MED16: variants seen among roughly 807,000 people sequenced by gnomAD.
The protein encoded by MED16 is mediator of RNA polymerase II transcription subunit 16.
In MED16, 81 loss-of-function variants were observed where a neutral mutation model predicts 84.4. The ratio of observed to expected loss-of-function variants is 0.96; its 90% CI spans 0.80 to 1.15. The LOEUF (loss-of-function observed/expected upper bound fraction) is 1.15. Ranked by LOEUF, MED16 falls within the 50% of genes most tolerant of loss-of-function variation. The probability of loss-of-function intolerance (pLI) is 0.00; values close to 1 mark genes in which losing one functional copy is unlikely to be tolerated. For synonymous variants in MED16, 897 were observed against 552.2 expected (o/e 1.62, Z -8.76); for missense variants, 1,585 against 1,245.9 (o/e 1.27, Z -4.10).
intron 4 of MED16, among the ~76,000 whole-genome samples, chr19:889,369 G>T (rs978529893): frequency 6.6e-6 from 1 of 152,072 alleles, no homozygotes; most frequent in African/African-American, 2.4e-5. Flanking sequence ...CACTAAGAAC[G>T]GCCACCCTCA....
chr19:886,303 A>T (rs1206901899), intron 4 of MED16, 102 bp from the exon 5 acceptor site: 2 of 1,055,174 alleles, frequency 1.9e-6, no homozygotes, highest in Non-Finnish European at 2.6e-6. Flanking sequence ...AGAAGCCAGG[A>T]GTGTGTGCAC....
chr19:868,280 C>T (rs747303130), intron 15 of MED16, 29 bp from the exon 16 acceptor site: 15 of 1,588,726 alleles, frequency 9.4e-6, no homozygotes, highest in Non-Finnish European at 9.4e-6. Flanking sequence ...TTAACCGCGC[C>T]GAGGAGAGTC....
chr19:868,919 G>C lies in MED16; in HGVS notation c.2343C>G (p.His781Gln), dbSNP rs755844250. The change falls in exon 14 of 16, where the codon CAC (histidine) becomes CAG (glutamine). Residue 781 changes from histidine to glutamine, a missense_variant. Coordinates refer to ENST00000325464, the MANE Select transcript of MED16 (RefSeq NM_005481.3). ...AAGCGCCAAGGTGCAGCCTCCGCAG[G>C]TGGTCGATCTTGGGCTGGCCTGGGG... Reference protein sequence around the residue: ...ARAPGQPKIDHLRRLHLGACP... With the variant: ...ARAPGQPKIDQLRRLHLGACP... The C allele has an allele frequency of 6.4e-7, 1 of 1,550,512 alleles. No homozygotes were observed.
intron 5 of MED16, among the ~76,000 whole-genome samples, chr19:885,277 G>A (rs2036502490): frequency 6.6e-6 from 1 of 152,164 alleles, no homozygotes; most frequent in Non-Finnish European, 1.5e-5. Flanking sequence ...CAAGGAGTTT[G>A]GGGCGTTACT....
At chr19:890,005 G>A (rs1209080256) in intron 3 of MED16, 132 bp downstream of exon 3, 1 of 836,112 alleles carries the variant, frequency 1.2e-6, no homozygotes, top group Non-Finnish European at 1.8e-6. Context: ...TATGGAAAGA[G>A]CAGCAGGTGC....
chr19:881,497 C>A, intron 7 of MED16, 62 bp downstream of exon 7: 7 of 1,552,256 alleles, frequency 4.5e-6, no homozygotes, highest in African/African-American at 1.4e-5. Context: ...GGCCTGTGCT[C>A]AGGGCCCAAC....
At chr19:868,531 A>G in intron 14 of MED16, 32 bp from the exon 15 acceptor site, 2 of 1,603,768 alleles carry the variant, frequency 1.2e-6, no homozygotes, top group Non-Finnish European at 1.7e-6. Flanking sequence ...GCGGGTTCCC[A>G]CTTCCAGGCG....
intron 4 of MED16, among the ~76,000 whole-genome samples, chr19:888,351 G>A (rs996034666): frequency 5.3e-5 from 8 of 151,654 alleles, no homozygotes; most frequent in Admixed American, 3.9e-4. Flanking sequence ...GTGAAACCCC[G>A]TCTCTACTAA....
chr19:878,510 C>A (rs2036323086), intron 8 of MED16, among the ~76,000 whole-genome samples: 1 of 143,364 alleles, frequency 7.0e-6, no homozygotes, highest in African/African-American at 2.6e-5. Context: ...AGCCCCAGCC[C>A]CACGTGCCCC....
At chr19:880,285 C>G (rs568557141) in intron 7 of MED16, 137 bp from the exon 8 acceptor site, 3 of 702,856 alleles carry the variant, frequency 4.3e-6, no homozygotes, top group African/African-American at 1.9e-5. Flanking sequence ...CGGCATCCAG[C>G]GCCCGTGCCC....
At chr19:884,298 G>C (rs796453547) in intron 6 of MED16, among the ~76,000 whole-genome samples, 65 of 152,258 alleles carry the variant, frequency 4.3e-4, no homozygotes, top group African/African-American at 1.6e-3. Flanking sequence ...TCCCTGCTTC[G>C]CTCCAGCCCC....
chr19:884,832 C>G, intron 6 of MED16, 71 bp downstream of exon 6: 1 of 1,250,326 alleles, frequency 8.0e-7, no homozygotes, highest in Non-Finnish European at 1.1e-6. Flanking sequence ...ACAGCAAGAC[C>G]TGCCTCCAAA....
chr19:873,541 C>T lies in MED16; in HGVS notation c.1813G>A (p.Val605Met). ...VMINLKTEEF[V>M]LDMNTLQALQ... ...GCCTGCAGTGTGTTCATGTCCAGCA[C>T]AAATTCCTCCGTCTTGAGGTTGATC... Residue 605 changes from valine (V) to methionine (M), a missense_variant, in exon 11 of 16, where the codon GTG becomes ATG. Val to Met is a conservative substitution (Grantham distance 21). Transcript: ENST00000325464. 4 of 1,612,412 alleles carry T rather than the reference C, an allele frequency of 2.5e-6. No individual in the cohort carries two copies. Among genetic ancestry groups the T allele is most frequent in the Non-Finnish European group, 3.4e-6 (4 of 1,179,716 alleles).
intron 12 of MED16, chr19:871,616 C>G (rs758268465): frequency 1.3e-6 from 2 of 1,595,798 alleles, no homozygotes; most frequent in Non-Finnish European, 1.7e-6. Context: ...CTGGAAGTGG[C>G]TGCCATCCCA....
chr19:871,658 AG>A, intron 12 of MED16: 1 of 1,577,756 alleles, frequency 6.3e-7, no homozygotes, highest in Non-Finnish European at 8.6e-7. Flanking sequence ...GACCTGTGCT[AG>A]GAACTGGGGA....
rs763671251 is a variant in MED16 at position 868,854 on chromosome 19, G to T, written c.2399+9C>A. 2.6e-6 allele frequency: 4 copies of T among 1,546,268 alleles called. No homozygotes were observed. The highest frequency in any genetic ancestry group is 2.6e-6 in the Non-Finnish European group (3 of 1,147,744). ...TCTCTGGGAGTCAGCGGTTCCGGGG[G>T]CCCCTCACCTGGTGCAGGCCTTGCA... On this transcript the variant is annotated intron_variant, in intron 14 of 15. Transcript: ENST00000325464.
chr19:871,625 C>G (rs780707693), intron 12 of MED16: 1 of 1,595,356 alleles, frequency 6.3e-7, no homozygotes, highest in Non-Finnish European at 8.5e-7. Context: ...GCTGCCATCC[C>G]AAAAGCACCC....
chr19:874,914 G>C (rs762115607), intron 10 of MED16, among the ~76,000 whole-genome samples: 17 of 152,118 alleles, frequency 1.1e-4, no homozygotes, highest in Non-Finnish European at 2.5e-4. Context: ...CTATATCCCA[G>C]CACTTTAGGA....
chr19:886,055 C>T lies in MED16; in HGVS notation c.594G>A (p.Gln198=), dbSNP rs748872432. 2 of 1,593,336 alleles carry T rather than the reference C, an allele frequency of 1.3e-6. No individual in the cohort carries two copies. Among genetic ancestry groups the T allele is most frequent in the Admixed American group, 1.7e-5 (1 of 59,246 alleles). The part of the protein sequence containing the change: ...VTVSLLKPSG[Q]VLTSTESLCR... ...ACAGGCTCTCGGTGGACGTCAGCAC[C>T]TGCCCGCTGGGCTTCAGCAGGGACA... is the stretch of plus-strand genomic sequence containing the variant. Residue 198 remains glutamine (Q), a synonymous_variant, in exon 5 of 16, where the codon CAG becomes CAA. Coordinates refer to ENST00000325464, the MANE Select transcript of MED16 (RefSeq NM_005481.3).
Sources: allele counts gnomAD v4.1 joint callset (sites outside exome capture counted in the v4.1 genomes callset), GRCh38; gene constraint gnomAD v4.1.1; transcripts MANE v1.5; gene names NCBI Gene and HGNC (gene_info 2026-07-23, HGNC 2026-07-21).